Variants in SLC8A1 observed in about 807,000 individuals in gnomAD.
The protein encoded by SLC8A1 is solute carrier family 8 member A1.
Under a neutral mutation model 68.3 loss-of-function variants are expected in SLC8A1, and 18 were observed. The observed-to-expected ratio is 0.26, with a 90% CI of 0.18 to 0.39. The LOEUF (loss-of-function observed/expected upper bound fraction) is 0.39. Ranked by LOEUF, SLC8A1 falls within the 10% of genes least tolerant of loss-of-function variation. SLC8A1 has a pLI of 1.00. For missense variants in SLC8A1, 985 were observed against 1,156.7 expected (o/e 0.85, Z 2.15); for synonymous variants, 475 against 415.5 (o/e 1.14, Z -1.74).
intron 1 of SLC8A1, among the ~76,000 whole-genome samples, chr2:40,510,732 T>A (rs2149947443): frequency 6.6e-6 from 1 of 150,862 alleles, no homozygotes; most frequent in African/African-American, 2.4e-5. Flanking sequence ...AAATATAGAA[T>A]ATTAGTATTT....
intron 7 of SLC8A1, among the ~76,000 whole-genome samples, chr2:40,133,403 G>C (rs913763992): frequency 1.6e-5 from 2 of 122,918 alleles, no homozygotes; most frequent in African/African-American, 2.9e-5. Flanking sequence ...GGGGGGGGGG[G>C]GGTGGAAACC....
chr2:40,361,041 C>T (rs1195228747), intron 2 of SLC8A1, among the ~76,000 whole-genome samples: 3 of 152,008 alleles, frequency 2.0e-5, no homozygotes, highest in Non-Finnish European at 4.4e-5. Context: ...TAGCAGGAAG[C>T]TATCATTTGT....
chr2:40,104,601 A>C (rs2034085085), exon 8 of SLC8A1: 1 of 152,232 alleles, frequency 6.6e-6, no homozygotes. Context: ...TAATTTAATT[A>C]GAATGCCATA....
chr2:40,235,645 T>C, intron 2 of SLC8A1, among the ~76,000 whole-genome samples: 1 of 152,060 alleles, frequency 6.6e-6, no homozygotes, highest in Non-Finnish European at 1.5e-5. Context: ...CTGCTAGCTT[T>C]TGAATGTGTT....
At chr2:40,278,404 G>A (rs1034134682) in intron 2 of SLC8A1, among the ~76,000 whole-genome samples, 1 of 152,164 alleles carries the variant, frequency 6.6e-6, no homozygotes, top group Non-Finnish European at 1.5e-5. Context: ...GGGAAGCGGA[G>A]GTGGCAGTGA....
chr2:40,502,578 T>C (rs967193432), intron 1 of SLC8A1, among the ~76,000 whole-genome samples: 2 of 152,074 alleles, frequency 1.3e-5, no homozygotes, highest in African/African-American at 4.8e-5. Flanking sequence ...AAGAATATAA[T>C]TGCATTTTAA....
intron 1 of SLC8A1, among the ~76,000 whole-genome samples, chr2:40,468,100 A>C (rs998983548): frequency 6.6e-6 from 1 of 152,104 alleles, no homozygotes; most frequent in Non-Finnish European, 1.5e-5. Flanking sequence ...TGCTTCCTAC[A>C]CATAATATAC....
At chr2:40,407,814 A>C in intron 2 of SLC8A1, among the ~76,000 whole-genome samples, 1 of 152,214 alleles carries the variant, frequency 6.6e-6, no homozygotes, top group East Asian at 1.9e-4. Flanking sequence ...CAGGTAAAGG[A>C]GATGGTCAAG....
chr2:40,139,698 A>G, intron 6 of SLC8A1, 22 bp from the exon 10 acceptor site: 1 of 1,603,886 alleles, frequency 6.2e-7, no homozygotes, highest in Non-Finnish European at 8.5e-7. Context: ...GGAAGGAAGC[A>G]CATTTCATCA....
intron 1 of SLC8A1, among the ~76,000 whole-genome samples, chr2:40,495,168 T>C (rs1031199488): frequency 2.0e-5 from 3 of 151,962 alleles, no homozygotes; most frequent in African/African-American, 7.3e-5. Flanking sequence ...CTTGTGTTCA[T>C]GATAACAAAA....
intron 2 of SLC8A1, among the ~76,000 whole-genome samples, chr2:40,373,681 T>C (rs1163459883): frequency 3.3e-5 from 5 of 152,076 alleles, no homozygotes; most frequent in Non-Finnish European, 7.4e-5. Context: ...AGCCAAATAG[T>C]ACAGTTGGAT....
chr2:40,125,881 T>G (rs762964427), intron 7 of SLC8A1, among the ~76,000 whole-genome samples: 2 of 152,250 alleles, frequency 1.3e-5, no homozygotes, highest in Non-Finnish European at 2.9e-5. Flanking sequence ...TGTGGATACT[T>G]AACAAACAGC....
chr2:40,487,454 A>G (rs922754024), intron 1 of SLC8A1, among the ~76,000 whole-genome samples: 1 of 152,174 alleles, frequency 6.6e-6, no homozygotes, highest in Non-Finnish European at 1.5e-5. Flanking sequence ...GTCTAATTGG[A>G]TTTCCTTTAT....
intron 1 of SLC8A1, among the ~76,000 whole-genome samples, chr2:40,447,317 G>T (rs1701624946): frequency 6.6e-6 from 1 of 152,062 alleles, no homozygotes; most frequent in African/African-American, 2.4e-5. Context: ...AAATCTTCAA[G>T]AAAGTATCAA....
At chr2:40,157,593 C>G (rs452369) in intron 6 of SLC8A1, among the ~76,000 whole-genome samples, 11 of 152,128 alleles carry the variant, frequency 7.2e-5, no homozygotes, top group African/African-American at 2.7e-4. Context: ...AGCTGGCACA[C>G]GATTTTTTAG....
At chr2:40,339,420 T>C (rs1213974026) in intron 2 of SLC8A1, among the ~76,000 whole-genome samples, 1 of 152,194 alleles carries the variant, frequency 6.6e-6, no homozygotes, top group Non-Finnish European at 1.5e-5. Context: ...ACAGAGAAGT[T>C]GAGGGCTCTC....
At chr2:40,494,146 C>G (rs1399328211) in intron 1 of SLC8A1, among the ~76,000 whole-genome samples, 2 of 151,990 alleles carry the variant, frequency 1.3e-5, no homozygotes, top group African/African-American at 4.8e-5. Flanking sequence ...ATAATAAACT[C>G]TGACAGGTCT....
intron 2 of SLC8A1, among the ~76,000 whole-genome samples, chr2:40,269,637 A>G (rs1439119180): frequency 1.3e-5 from 2 of 152,100 alleles, no homozygotes; most frequent in South Asian, 2.1e-4. Flanking sequence ...CTGGATTTGA[A>G]CCTTGGTCAC....
intron 2 of SLC8A1, among the ~76,000 whole-genome samples, chr2:40,281,882 A>T (rs2067578482): frequency 6.6e-6 from 1 of 152,008 alleles, no homozygotes; most frequent in South Asian, 2.1e-4. Flanking sequence ...CTTTTTGAAG[A>T]CTCTGTCTTC....
Sources: allele counts gnomAD v4.1 joint callset (sites outside exome capture counted in the v4.1 genomes callset), GRCh38; gene constraint gnomAD v4.1.1; transcripts MANE v1.5; gene names NCBI Gene and HGNC (gene_info 2026-07-23, HGNC 2026-07-21).